The following TENM4 variants were observed in gnomAD, a reference collection of about 807,000 sequenced individuals.
The protein encoded by TENM4 is teneurin-4.
A neutral mutation model predicts 243.3 loss-of-function variants in TENM4; 82 were observed. The ratio of observed to expected loss-of-function variants is 0.34; its 90% CI spans 0.28 to 0.40. The LOEUF is 0.40. Among genes scored for constraint, TENM4 ranks in the 10% least tolerant of loss-of-function variants. TENM4 has a pLI of 1.00. For synonymous variants in TENM4, 1,412 were observed against 1,456.3 expected, an observed-to-expected ratio of 0.97 and a Z score of 0.69; for missense variants, 3,138 against 3,673.3, an observed-to-expected ratio of 0.85 and a Z score of 3.77.
chr11:79,177,918 C>A (rs1004279533), intron 3 of TENM4, among the ~76,000 whole-genome samples: 1 of 151,986 alleles, frequency 6.6e-6, no homozygotes, highest in South Asian at 2.1e-4. Context: ...AGATGGGGAA[C>A]CTTTAGAAGG....
At chr11:78,969,372 C>T (rs935317347) in intron 6 of TENM4, among the ~76,000 whole-genome samples, 2 of 152,174 alleles carry the variant, frequency 1.3e-5, no homozygotes, top group South Asian at 2.1e-4. Context: ...TTGTGTGAAT[C>T]GGTGATGGTA....
intron 3 of TENM4, among the ~76,000 whole-genome samples, chr11:79,206,006 C>G (rs2135201996): frequency 6.6e-6 from 1 of 152,324 alleles, no homozygotes; most frequent in African/African-American, 2.4e-5. Context: ...GGAACAAGGC[C>G]AGGGTGCCCA....
At chr11:79,109,079 A>C (rs1861442552) in intron 4 of TENM4, among the ~76,000 whole-genome samples, 1 of 152,196 alleles carries the variant, frequency 6.6e-6, no homozygotes. Flanking sequence ...GATTCCCCTC[A>C]GAGCTGGTTG....
intron 12 of TENM4, among the ~76,000 whole-genome samples, chr11:78,829,518 C>T (rs1207229337): frequency 6.6e-6 from 1 of 152,100 alleles, no homozygotes; most frequent in Non-Finnish European, 1.5e-5. Context: ...GAAACCTAGT[C>T]AGAACAAACC....
In TENM4 at chr11:79,059,791, T is replaced by C. The variant is rs113889415; in HGVS notation, c.493+4947A>G. ...CCTGCTAACCACTGATGTGCTCTTT[T>C]TAAAATGACAAAACTGTGGCTCCAA... On this transcript the variant is annotated intron_variant, in intron 6 of 33. Coordinates refer to ENST00000278550, the MANE Select transcript of TENM4 (RefSeq NM_001098816.3). Among the ~76,000 whole-genome samples, 95 of 152,308 alleles carry C rather than the reference T, an allele frequency of 6.2e-4. 1 individual carries two copies. Among genetic ancestry groups the C allele is most frequent in the African/African-American group, 2.2e-3 (91 of 41,566 alleles).
At chr11:79,318,585 T>C (rs1856839402) in intron 1 of TENM4, among the ~76,000 whole-genome samples, 1 of 152,146 alleles carries the variant, frequency 6.6e-6, no homozygotes, top group African/African-American at 2.4e-5. Flanking sequence ...TGGAAAGAGA[T>C]GAGTGATAAC....
At chr11:79,424,515 G>A in intron 1 of TENM4, among the ~76,000 whole-genome samples, 1 of 152,212 alleles carries the variant, frequency 6.6e-6, no homozygotes, top group East Asian at 1.9e-4. Flanking sequence ...TTGGGGAACT[G>A]AGGTGGGAGA....
chr11:79,111,687 G>T (rs977902632), intron 4 of TENM4, among the ~76,000 whole-genome samples: 3 of 152,214 alleles, frequency 2.0e-5, no homozygotes, highest in Non-Finnish European at 4.4e-5. Flanking sequence ...CCTGTGCTGG[G>T]CACAGGGGAC....
intron 4 of TENM4, among the ~76,000 whole-genome samples, chr11:79,129,268 T>C (rs544550718): frequency 4.6e-5 from 7 of 152,034 alleles, no homozygotes; most frequent in South Asian, 2.1e-4. Flanking sequence ...GAGGGATCCA[T>C]TGGGAGGGTG....
chr11:79,183,881 T>C (rs532457652), intron 3 of TENM4, among the ~76,000 whole-genome samples: 7 of 152,216 alleles, frequency 4.6e-5, no homozygotes, highest in Admixed American at 1.3e-4. Flanking sequence ...TGTAGAAAAA[T>C]TGGAACCCTT....
chr11:78,834,823 T>C (rs905162773), intron 12 of TENM4, among the ~76,000 whole-genome samples: 10 of 152,148 alleles, frequency 6.6e-5, no homozygotes, highest in Admixed American at 5.2e-4. Context: ...CTTAAGGGTT[T>C]CATTGCTGCT....
intron 29 of TENM4, among the ~76,000 whole-genome samples, chr11:78,684,014 C>A (rs905699723): frequency 2.6e-5 from 4 of 152,220 alleles, no homozygotes; most frequent in African/African-American, 9.7e-5. Flanking sequence ...AAAATGTCAT[C>A]TCTTTCCAGA....
At chr11:78,697,207 C>T (rs963406261) in intron 28 of TENM4, among the ~76,000 whole-genome samples, 2 of 152,194 alleles carry the variant, frequency 1.3e-5, no homozygotes, top group African/African-American at 4.8e-5. Flanking sequence ...GACTCTCTTG[C>T]CAGTACACAC....
chr11:79,317,329 CACTTTA>C (rs990784855), intron 1 of TENM4, among the ~76,000 whole-genome samples: 2 of 152,156 alleles, frequency 1.3e-5, no homozygotes, highest in African/African-American at 4.8e-5. Flanking sequence ...TGGACACTTT[CACTTTA>C]ATAAAAAATG....
At chr11:79,205,705 T>C (rs977804650) in intron 3 of TENM4, among the ~76,000 whole-genome samples, 5 of 152,260 alleles carry the variant, frequency 3.3e-5, no homozygotes, top group African/African-American at 1.2e-4. Context: ...AGTTCACTGT[T>C]CACCTGTTGA....
At position 78,658,139 on chromosome 11, in the gene TENM4, G is replaced by A; in HGVS notation, c.8229C>T (p.Ile2743=). 1 of 1,614,038 alleles carries A rather than the reference G, an allele frequency of 6.2e-7. No individual in the cohort carries two copies. The highest frequency in any genetic ancestry group is 8.5e-7 in the Non-Finnish European group (1 of 1,179,902). The change falls in exon 34 of 34, where the codon ATC becomes ATT. Residue 2743 remains isoleucine, a synonymous_variant. Transcript: ENST00000278550. ...ACAGTTCTGGGTACTGCTCGACAGA[G>A]ATCACGAAAAAGCCGTCGTAGCCTT... is the stretch of plus-strand genomic sequence containing the variant. ...RVQGYDGFFV[I]SVEQYPELSD...
intron 6 of TENM4, among the ~76,000 whole-genome samples, chr11:78,981,914 C>T (rs560064383): frequency 6.6e-6 from 1 of 152,158 alleles, no homozygotes; most frequent in South Asian, 2.1e-4. Flanking sequence ...CAACACCCAG[C>T]TCAGTTTTTT....
chr11:79,104,132 T>C (rs951364181), intron 4 of TENM4, among the ~76,000 whole-genome samples: 1 of 152,198 alleles, frequency 6.6e-6, no homozygotes, highest in Non-Finnish European at 1.5e-5. Flanking sequence ...CCCCCTGCTC[T>C]GTCAGTTTTT....
At chr11:78,730,251 G>A (rs980271185) in intron 21 of TENM4, among the ~76,000 whole-genome samples, 1 of 152,218 alleles carries the variant, frequency 6.6e-6, no homozygotes, top group Non-Finnish European at 1.5e-5. Context: ...CATGAAGAGA[G>A]ACTACTGCGG....
Sources: gnomAD v4.1 joint callset for allele counts (sites outside exome capture counted in the v4.1 genomes callset) on GRCh38, gnomAD v4.1.1 for gene constraint, MANE v1.5 for transcripts, NCBI Gene and HGNC (gene_info 2026-07-23, HGNC 2026-07-21) for gene names.